Variants in LOXHD1 observed in about 807,000 individuals in gnomAD.
LOXHD1 encodes lipoxygenase homology domain-containing protein 1.
Under a neutral mutation model 248.2 loss-of-function variants are expected in LOXHD1, and 205 were observed. The ratio of observed to expected loss-of-function variants is 0.83; its 90% CI spans 0.74 to 0.93. The LOEUF (loss-of-function observed/expected upper bound fraction) is 0.93. LOXHD1 is among the 40% of genes least tolerant of loss of function. The pLI, the probability that LOXHD1 is intolerant of heterozygous loss-of-function variation, is 0.00. For missense variants in LOXHD1, 2,930 were observed against 2,971.6 expected (o/e 0.99, Z 0.33); for synonymous variants, 1,113 against 1,162.8 (o/e 0.96, Z 0.87).
At chr18:46,578,062 C>T (rs1568197352) in intron 13 of LOXHD1, among the ~76,000 whole-genome samples, 195 bp from the exon 14 acceptor site, 1 of 152,178 alleles carries the variant, frequency 6.6e-6, no homozygotes, top group South Asian at 2.1e-4. Flanking sequence ...GAATATCATC[C>T]AATGTCAAGT....
intron 9 of LOXHD1, 60 bp from the exon 10 acceptor site, chr18:46,593,820 C>T: frequency 1.3e-6 from 2 of 1,530,696 alleles, no homozygotes; most frequent in Admixed American, 2.0e-5. Flanking sequence ...TTCATATTAC[C>T]ATGGGGAAGA....
intron 13 of LOXHD1, 120 bp downstream of exon 13, chr18:46,579,510 C>T (rs918184047): frequency 6.7e-6 from 9 of 1,346,336 alleles, no homozygotes; most frequent in East Asian, 2.5e-5. Context: ...GAGTGAGGCT[C>T]CTGATGGCTG....
chr18:46,644,650 T>C (rs937895413), intron 2 of LOXHD1, among the ~76,000 whole-genome samples: 2 of 151,938 alleles, frequency 1.3e-5, no homozygotes, highest in Non-Finnish European at 2.9e-5. Flanking sequence ...CCCAGGAATT[T>C]GAGGTTGCAG....
At position 46,552,595 on chromosome 18, in the gene LOXHD1, T is replaced by C. The variant is rs1439754929; in HGVS notation, c.3350+4761A>G. ...CCCTGGACCACACAGAGCTCTCCCTTGGGGTGACTTCGCAGGGAGCCAAGG... is the reference window on the plus strand; with the variant it reads ...CCCTGGACCACACAGAGCTCTCCCTCGGGGTGACTTCGCAGGGAGCCAAGG... On this transcript the variant is annotated intron_variant, in intron 21 of 40. Coordinates refer to ENST00000642948, the MANE Select transcript of LOXHD1 (RefSeq NM_001384474.1). 5.3e-5 allele frequency among the ~76,000 whole-genome samples: 8 copies of C among 152,166 alleles called. No individual in the cohort carries two copies. In the East Asian group the frequency reaches 1.5e-3, roughly 29 times the overall value.
intron 7 of LOXHD1, 171 bp from the exon 8 acceptor site, chr18:46,601,638 C>T: frequency 1.2e-6 from 1 of 802,390 alleles, no homozygotes; most frequent in Admixed American, 2.3e-5. Flanking sequence ...CTCTCGACCT[C>T]ATTTCATCTT....
rs1599055515 is a variant in LOXHD1, at chr18:46,621,146, T to C, written c.512-2856A>G. ...GACTGTCTTCTAGCCTCTGCAGAAC[T>C]TTCTATGGCAGATGGGGCCCTGAGT... On this transcript the variant is annotated intron_variant, in intron 4 of 40. Coordinates refer to ENST00000642948, the MANE Select transcript of LOXHD1 (RefSeq NM_001384474.1). Among the ~76,000 whole-genome samples the C allele has an allele frequency of 5.9e-5, 9 of 152,232 alleles. No individual in the cohort carries two copies. The South Asian group carries it at 1.9e-3, about 32-fold the overall frequency.
chr18:46,501,971 A>G (rs1006183681), intron 37 of LOXHD1, among the ~76,000 whole-genome samples: 5 of 152,190 alleles, frequency 3.3e-5, no homozygotes, highest in Admixed American at 6.5e-5. Context: ...TGACTTTTTC[A>G]TCTCCCCTTT....
chr18:46,574,321 A>G (rs527490025), intron 14 of LOXHD1, among the ~76,000 whole-genome samples: 18 of 151,490 alleles, frequency 1.2e-4, no homozygotes, highest in Middle Eastern at 3.4e-3. Context: ...TGCTAAAAGG[A>G]TAAGTCAGTC....
chr18:46,559,274 A>G, intron 20 of LOXHD1, 174 bp downstream of exon 20: 1 of 1,533,636 alleles, frequency 6.5e-7, no homozygotes, highest in South Asian at 1.2e-5. Flanking sequence ...ATTCTCTCAT[A>G]ACCCCTCCAC....
In LOXHD1 at chr18:46,509,810, T is replaced by A. The variant is rs2143958526; in HGVS notation, c.5405A>T (p.Glu1802Val). The change falls in exon 35 of 41, where the codon GAG becomes GTG. Residue 1802 changes from glutamate to valine, a missense_variant. Glu to Val is a moderately radical substitution (Grantham distance 121, BLOSUM62 -2). Coordinates refer to ENST00000642948, the MANE Select transcript of LOXHD1 (RefSeq NM_001384474.1). ...MQLDKKKARFEREQNDTFIME... is the reference protein window; with the variant it reads ...MQLDKKKARFVREQNDTFIME... ...GATGAAGGTGTCGTTCTGCTCCCGC[T>A]CAAACCTGGGGGTGGAGAGGAGGGG... 7.4e-7 allele frequency: 1 copy of A among 1,350,526 alleles called. No homozygotes were observed. Among genetic ancestry groups the A allele is most frequent in the East Asian group, 4.4e-5 (1 of 22,564 alleles). The allele number at this position is 1,350,526 out of a possible 1,614,324, so 83.7% of individuals were successfully genotyped here.
At chr18:46,489,593 T>A (rs1281684756) in intron 37 of LOXHD1, among the ~76,000 whole-genome samples, 1 of 152,142 alleles carries the variant, frequency 6.6e-6, no homozygotes, top group Non-Finnish European at 1.5e-5. Flanking sequence ...CCATTATCCT[T>A]CCAGAATCAG....
At chr18:46,628,456 C>A (rs1599060797) in intron 4 of LOXHD1, among the ~76,000 whole-genome samples, 1 of 152,184 alleles carries the variant, frequency 6.6e-6, no homozygotes, top group South Asian at 2.1e-4. Context: ...GCACCCACAG[C>A]AAATAGGCTC....
intron 31 of LOXHD1, among the ~76,000 whole-genome samples, chr18:46,523,050 T>C (rs1018158480): frequency 2.6e-5 from 4 of 152,092 alleles, no homozygotes; most frequent in South Asian, 2.1e-4. Context: ...CAGGTTCAAG[T>C]GATTCTCCTC....
chr18:46,621,243 G>A (rs913114339), intron 4 of LOXHD1, among the ~76,000 whole-genome samples: 1 of 152,204 alleles, frequency 6.6e-6, no homozygotes, highest in African/African-American at 2.4e-5. Flanking sequence ...TTGAGAAGGA[G>A]ACAAGAGCTG....
intron 1 of LOXHD1, among the ~76,000 whole-genome samples, chr18:46,656,644 C>A (rs1723575050): frequency 6.6e-6 from 1 of 152,196 alleles, no homozygotes; most frequent in Non-Finnish European, 1.5e-5. Flanking sequence ...CATGGGGGCA[C>A]TGTGGCTCTA....
intron 21 of LOXHD1, chr18:46,556,582 CCTCAGATGTCACGCAGCCCACT>C: frequency 6.1e-6 from 1 of 164,120 alleles, no homozygotes; most frequent in South Asian, 1.4e-4. Context: ...CCACCCTCAC[CCTCAGATGTCACGCAGCCCACT>C]CTCAGCCTCA....
At chr18:46,514,065 G>T (rs1568121193) in intron 34 of LOXHD1, among the ~76,000 whole-genome samples, 1 of 152,230 alleles carries the variant, frequency 6.6e-6, no homozygotes, top group South Asian at 2.1e-4. Context: ...CATCCCCTAC[G>T]AGACATATGA....
intron 37 of LOXHD1, among the ~76,000 whole-genome samples, chr18:46,493,800 G>A (rs2033652822): frequency 6.6e-6 from 1 of 152,186 alleles, no homozygotes; most frequent in African/African-American, 2.4e-5. Context: ...TGCCATCTCT[G>A]CCTGCGGTTC....
At chr18:46,553,462 A>C (rs1301087182) in intron 21 of LOXHD1, among the ~76,000 whole-genome samples, 1 of 152,236 alleles carries the variant, frequency 6.6e-6, no homozygotes, top group Non-Finnish European at 1.5e-5. Flanking sequence ...TTCTTCAAAA[A>C]CAGAGTCATA....
Sources: allele counts gnomAD v4.1 joint callset (sites outside exome capture counted in the v4.1 genomes callset), GRCh38; gene constraint gnomAD v4.1.1; transcripts MANE v1.5; gene names NCBI Gene and HGNC (gene_info 2026-07-23, HGNC 2026-07-21).